Variants in PCDH15 observed in about 807,000 individuals in gnomAD.
The protein encoded by PCDH15 is protocadherin-15.
In PCDH15, 129 loss-of-function variants were observed where a neutral mutation model predicts 178.5. The observed-to-expected ratio is 0.72, with a 90% confidence interval of 0.63 to 0.84. The LOEUF is 0.84. Among genes scored for constraint, PCDH15 ranks in the 40% least tolerant of loss-of-function variants. PCDH15 has a pLI of 0.00. For synonymous variants in PCDH15, 800 were observed against 732.0 expected (o/e 1.09, Z -1.50); for missense variants, 2,230 against 2,099.9 (o/e 1.06, Z -1.21).
chr10:54,186,261 G>A (rs1159787868), intron 11 of PCDH15, among the ~76,000 whole-genome samples: 1 of 151,922 alleles, frequency 6.6e-6, no homozygotes, highest in Admixed American at 6.6e-5. Context: ...GATATGAAAT[G>A]GATTTAATAT....
intron 2 of PCDH15, among the ~76,000 whole-genome samples, chr10:54,610,446 G>T (rs905039164): frequency 6.6e-6 from 1 of 151,882 alleles, no homozygotes; most frequent in Non-Finnish European, 1.5e-5. Context: ...TCAATTTCAA[G>T]AGGTTAACTA....
intron 2 of PCDH15, among the ~76,000 whole-genome samples, chr10:55,004,399 A>C (rs1204694480): frequency 2.0e-5 from 3 of 152,076 alleles, no homozygotes; most frequent in African/African-American, 7.2e-5. Flanking sequence ...TAAACATAGA[A>C]ATTTACCCTC....
rs369783838 is a variant in PCDH15, at chr10:54,980,849, A to C, written c.-79-83349T>G. 5.9e-5 allele frequency among the ~76,000 whole-genome samples: 9 copies of C among 151,980 alleles called. No homozygotes were observed. In the East Asian group the frequency reaches 1.7e-3, roughly 29 times the overall value. ...GGCATACCATAAGGCTCTTGAGTTC[A>C]TTTTTTCAGAGTAGAGAAATTGAAT... On this transcript the variant is annotated intron_variant, in intron 2 of 5. Transcript: ENST00000458638.
At chr10:55,056,614 TTA>T (rs1841310653) in intron 2 of PCDH15, among the ~76,000 whole-genome samples, 1 of 64,270 alleles carries the variant, frequency 1.6e-5, no homozygotes, top group South Asian at 6.4e-4. Flanking sequence ...TTTTGTTTTA[TTA>T]TTATTATTAT....
chr10:55,271,565 A>C (rs1348343327), intron 1 of PCDH15, among the ~76,000 whole-genome samples: 1 of 152,136 alleles, frequency 6.6e-6, no homozygotes, highest in Non-Finnish European at 1.5e-5. Flanking sequence ...AGTGGACCAC[A>C]CAATTTATTG....
At chr10:55,417,093 A>T (rs1275126004) in intron 2 of PCDH15, among the ~76,000 whole-genome samples, 2 of 151,822 alleles carry the variant, frequency 1.3e-5, no homozygotes, top group Admixed American at 6.6e-5. Context: ...AAAAAAATTT[A>T]AAAAACTGTA....
chr10:54,579,627 T>C lies in PCDH15; in HGVS notation c.92-51750A>G, dbSNP rs145952140. 5.2e-3 allele frequency among the ~76,000 whole-genome samples: 789 copies of C among 152,118 alleles called. 6 individuals are homozygous for C. The highest frequency in any genetic ancestry group is 0.018 in the African/African-American group (755 of 41,552). ...GGACTTAAATTTGACACTTCACCAGTTGGACCTAGTAGACGTTACAGAGCA... is the reference window on the plus strand; with the variant it reads ...GGACTTAAATTTGACACTTCACCAGCTGGACCTAGTAGACGTTACAGAGCA... On this transcript the variant is annotated intron_variant, in intron 2 of 37. Transcript: ENST00000644397.
intron 37 of PCDH15, chr10:53,807,938 ATAG>A (rs2075717487): frequency 1.3e-5 from 2 of 152,158 alleles, no homozygotes; most frequent in African/African-American, 4.8e-5. Context: ...TTTTCTCAAA[ATAG>A]TATCGCATTT....
At chr10:54,727,014 T>C (rs938868869) in intron 1 of PCDH15, among the ~76,000 whole-genome samples, 1 of 151,358 alleles carries the variant, frequency 6.6e-6, no homozygotes, top group Admixed American at 6.6e-5. Context: ...ACCATGGAAA[T>C]GTCTCCAATA....
intron 15 of PCDH15, among the ~76,000 whole-genome samples, chr10:54,127,603 G>A (rs12258600): frequency 0.028 from 4,334 of 152,244 alleles, 212 homozygotes; most frequent in African/African-American, 0.098. Flanking sequence ...GGCCAGCTGA[G>A]TATTTTGTTT....
At chr10:53,992,061 C>T (rs1261240879) in intron 21 of PCDH15, among the ~76,000 whole-genome samples, 1 of 151,862 alleles carries the variant, frequency 6.6e-6, no homozygotes, top group East Asian at 1.9e-4. Context: ...AGCTGTAACA[C>T]TTGCTGCGAA....
At chr10:54,320,806 G>C (rs1328928138) in intron 7 of PCDH15, among the ~76,000 whole-genome samples, 3 of 151,802 alleles carry the variant, frequency 2.0e-5, no homozygotes, top group Non-Finnish European at 4.4e-5. Context: ...CCATTATTAA[G>C]AGAGTCATTT....
intron 3 of PCDH15, among the ~76,000 whole-genome samples, chr10:54,852,855 A>AAAATAAAATAAAATAAAAT (rs1554806693): frequency 1.4e-5 from 2 of 147,238 alleles, no homozygotes; most frequent in Admixed American, 6.8e-5. Flanking sequence ...TCTGTCTCAA[A>AAAATAAAATAAAATAAAAT]AAAATAAAAT....
intron 8 of PCDH15, among the ~76,000 whole-genome samples, chr10:54,257,836 A>G (rs937440026): frequency 2.0e-5 from 3 of 152,140 alleles, no homozygotes; most frequent in African/African-American, 7.2e-5. Flanking sequence ...TACTTGCCAA[A>G]CTGTCTTTAC....
intron 3 of PCDH15, among the ~76,000 whole-genome samples, chr10:54,463,016 CAT>C (rs2077294950): frequency 6.6e-6 from 1 of 152,048 alleles, no homozygotes. Context: ...AGAGTCCACA[CAT>C]GTTGGGTATT....
intron 2 of PCDH15, among the ~76,000 whole-genome samples, chr10:55,478,867 A>G (rs1470635760): frequency 6.6e-6 from 1 of 150,834 alleles, no homozygotes; most frequent in East Asian, 1.9e-4. Flanking sequence ...TACACCAACA[A>G]ATTGGAAAAC....
At chr10:55,106,746 T>TAA (rs1275851531) in intron 2 of PCDH15, among the ~76,000 whole-genome samples, 2 of 152,160 alleles carry the variant, frequency 1.3e-5, no homozygotes, top group African/African-American at 4.8e-5. Context: ...ATGGAAATAC[T>TAA]AATTCTCCCA....
At chr10:55,069,268 T>G (rs1477451722) in intron 2 of PCDH15, among the ~76,000 whole-genome samples, 1 of 137,062 alleles carries the variant, frequency 7.3e-6, no homozygotes, top group African/African-American at 2.5e-5. Context: ...TTTTTTTTCA[T>G]GTTTAAAATA....
chr10:55,512,757 C>T (rs1840914692), intron 2 of PCDH15: 1 of 152,106 alleles, frequency 6.6e-6, no homozygotes, highest in Non-Finnish European at 1.5e-5. Flanking sequence ...CAGACATTTG[C>T]TTCAGTGTTT....
Sources: gnomAD v4.1 joint callset for allele counts (sites outside exome capture counted in the v4.1 genomes callset) on GRCh38, gnomAD v4.1.1 for gene constraint, MANE v1.5 for transcripts, NCBI Gene and HGNC (gene_info 2026-07-23, HGNC 2026-07-21) for gene names.